Variants in CA6 observed in about 807,000 individuals in gnomAD.
The protein encoded by CA6 is carbonic anhydrase 6.
CA6 carries 28 observed loss-of-function variants against 35.9 expected under a neutral mutation model. That is an observed-to-expected ratio of 0.78 (90% CI 0.58 to 1.07). The LOEUF (loss-of-function observed/expected upper bound fraction) is 1.07, where lower values mean the gene tolerates loss of function less well. CA6 is among the 50% of genes least tolerant of loss of function. The probability of loss-of-function intolerance (pLI) is 0.00; values close to 1 mark genes in which losing one functional copy is unlikely to be tolerated. For missense variants in CA6, 377 were observed against 382.0 expected, an observed-to-expected ratio of 0.99 and a Z score of 0.11; for synonymous variants, 148 against 152.6, an observed-to-expected ratio of 0.97 and a Z score of 0.22.
intron 5 of CA6, 44 bp from the exon 6 acceptor site, chr1:8,967,615 G>A: frequency 1.9e-6 from 3 of 1,587,922 alleles, no homozygotes; most frequent in Non-Finnish European, 2.6e-6. Flanking sequence ...CCGAGGGGCA[G>A]CGCTGGTCCC....
At chr1:8,959,089 TTTA>T (rs1482692707) in intron 4 of CA6, 87 bp downstream of exon 4, 27 of 771,642 alleles carry the variant, frequency 3.5e-5, no homozygotes, top group Non-Finnish European at 5.5e-5. Flanking sequence ...AACAGTCTTC[TTTA>T]TTATCACTCT....
At chr1:8,952,545 A>G (rs1639567421) in intron 2 of CA6, 1 of 152,180 alleles carries the variant, frequency 6.6e-6, no homozygotes, top group Non-Finnish European at 1.5e-5. Context: ...AATTCTACTG[A>G]AGGGGGAAAA....
chr1:8,949,556 G>T, intron 2 of CA6, 114 bp downstream of exon 2: 1 of 895,834 alleles, frequency 1.1e-6, no homozygotes, highest in South Asian at 1.6e-5. Flanking sequence ...CACGGCCTCA[G>T]AGCTGGAGGC....
chr1:8,955,567 C>T (rs575211774), intron 2 of CA6, among the ~76,000 whole-genome samples: 5 of 152,276 alleles, frequency 3.3e-5, no homozygotes, highest in East Asian at 3.9e-4. Flanking sequence ...GAGCTCTGCT[C>T]GGGTCCTCAG....
At chr1:8,946,659 G>A (rs77376795) in intron 1 of CA6, among the ~76,000 whole-genome samples, 2,722 of 151,974 alleles carry the variant, frequency 0.018, 92 homozygotes, top group African/African-American at 0.061. Flanking sequence ...AAAGACTCTC[G>A]GTAACCTCAC....
intron 7 of CA6, 24 bp from the exon 8 acceptor site, chr1:8,974,598 T>G: frequency 6.4e-7 from 1 of 1,551,962 alleles, no homozygotes; most frequent in Middle Eastern, 1.7e-4. Flanking sequence ...TTTAACCATT[T>G]CCGACTAACT....
At position 8,949,282 on chromosome 1, in the gene CA6, G is replaced by T; in HGVS notation, c.99G>T (p.Ala33=). 1 of 1,606,350 alleles carries T rather than the reference G, an allele frequency of 6.2e-7. No homozygotes were observed. The highest frequency in any genetic ancestry group is 1.1e-5 in the South Asian group (1 of 90,112). Residue 33 remains alanine (A), a synonymous_variant, in exon 2 of 8, where the codon GCG becomes GCT. Coordinates refer to ENST00000377443, the MANE Select transcript of CA6 (RefSeq NM_001215.4). ...TCTTAGAAGGGGCACTGGACGAAGC[G>T]CACTGGCCACAGCACTACCCCGCCT... ...WTYSEGALDE[A]HWPQHYPACG... is the part of the protein sequence containing the mutation.
At chr1:8,966,988 A>AAAT (rs1346885413) in intron 5 of CA6, among the ~76,000 whole-genome samples, 1 of 151,428 alleles carries the variant, frequency 6.6e-6, no homozygotes, top group African/African-American at 2.4e-5. Context: ...AAAAATAATA[A>AAAT]AAAAAACAAC....
intron 1 of CA6, among the ~76,000 whole-genome samples, chr1:8,948,891 A>G (rs1639441196): frequency 6.6e-6 from 1 of 151,760 alleles, no homozygotes; most frequent in Non-Finnish European, 1.5e-5. Flanking sequence ...AATCTCTTGA[A>G]TCTGGGAGGC....
rs77420168 is a variant in CA6, at chr1:8,974,462, A to G, written c.845-160A>G. ...AAGCCTGAGTTCAAACACAGTGAAG[A>G]TGACTAAAGGCAATGCACCGGGCAC... On this transcript the variant is annotated intron_variant, in intron 7 of 7. Transcript: ENST00000377443. 1,231 of 1,514,806 alleles carry G rather than the reference A, an allele frequency of 8.1e-4. 10 individuals carry two copies. The African/African-American group carries it at 0.016, about 20-fold the overall frequency. The allele number at this position is 1,514,806 out of a possible 1,614,324, so 93.8% of individuals were successfully genotyped here.
intron 2 of CA6, among the ~76,000 whole-genome samples, chr1:8,954,718 G>T (rs1242461757): frequency 6.6e-6 from 1 of 151,822 alleles, no homozygotes; most frequent in East Asian, 1.9e-4. Flanking sequence ...TCCTTATATA[G>T]ATTTTGTCCA....
chr1:8,957,180 C>T lies in CA6; in HGVS notation c.303C>T (p.Asp101=), dbSNP rs199675048. Residue 101 remains aspartate (D), a synonymous_variant, in exon 3 of 8, where the codon GAC becomes GAT. Transcript: ENST00000377443. ...CCACCATGCGCATGACAGTGGCTGACGGCACTGTATACATAGCCCAGCAGA... is the reference window on the plus strand; with the variant it reads ...CCACCATGCGCATGACAGTGGCTGATGGCACTGTATACATAGCCCAGCAGA... ...LPSTMRMTVA[D]GTVYIAQQMH... 160 of 1,613,394 alleles carry T rather than the reference C, an allele frequency of 9.9e-5. No individual in the cohort carries two copies. Among genetic ancestry groups the T allele is most frequent in the Admixed American group, 9.0e-4 (54 of 59,948 alleles).
intron 4 of CA6, among the ~76,000 whole-genome samples, chr1:8,959,422 C>G (rs1258999632): frequency 6.6e-6 from 1 of 151,240 alleles, no homozygotes; most frequent in Non-Finnish European, 1.5e-5. Flanking sequence ...TCAAATGATT[C>G]TCCTGCCTCA....
At chr1:8,961,886 A>T (rs557821328) in intron 4 of CA6, among the ~76,000 whole-genome samples, 1 of 152,292 alleles carries the variant, frequency 6.6e-6, no homozygotes, top group South Asian at 2.1e-4. Flanking sequence ...TGAAGAAGGG[A>T]ACTTGTGAGA....
chr1:8,974,755 C>A lies in CA6; in HGVS notation c.*51C>A. On this transcript the variant is annotated 3_prime_UTR_variant, in exon 8 of 8. Coordinates refer to ENST00000377443, the MANE Select transcript of CA6 (RefSeq NM_001215.4). The stretch of plus-strand genomic sequence containing the variant: ...TTAACTAGCTTGAAGCCTGACCTAG[C>A]CAGAAGTGCCTGTCCGCTGCAGCCG... 1.0e-6 allele frequency: 1 copy of A among 999,134 alleles called. No homozygotes were observed. The highest frequency in any genetic ancestry group is 1.4e-6 in the Non-Finnish European group (1 of 719,182). The allele number at this position is 999,134 out of a possible 1,614,324, so 61.9% of individuals were successfully genotyped here.
intron 7 of CA6, among the ~76,000 whole-genome samples, chr1:8,971,809 G>A (rs542162623): frequency 2.6e-5 from 4 of 152,120 alleles, no homozygotes; most frequent in East Asian, 2.0e-4. Context: ...GCCAGCCTCC[G>A]CTGCATCCTC....
rs374186026 is a variant in CA6 at position 8,951,702 on chromosome 1, AGG to A, written c.259+2262_259+2263del. 4.2e-5 allele frequency: 32 copies of A among 761,970 alleles called. 1 individual carries two copies. In the African/African-American group the frequency reaches 4.6e-4, roughly 11 times the overall value. The allele number at this position is 761,970 out of a possible 1,614,324, so 47.2% of individuals were successfully genotyped here. A position where few individuals can be genotyped will look rare whatever the true frequency, so the allele number is the denominator to read the frequency against. ...AGAGGACCCTGTACCTTCTTCCTTT[AGG>A]GCTCTGCTCAAATTTCTGTGGTCCG... On this transcript the variant is annotated intron_variant, in intron 2 of 7. Transcript: ENST00000377443.
chr1:8,959,804 C>T (rs894585357), intron 4 of CA6, among the ~76,000 whole-genome samples: 2 of 151,634 alleles, frequency 1.3e-5, no homozygotes, highest in African/African-American at 2.4e-5. Context: ...TGGTGGCAGG[C>T]GCCTGTAATT....
At chr1:8,946,077 G>T (rs1557616584) in intron 1 of CA6, 112 bp downstream of exon 1, 2 of 703,098 alleles carry the variant, frequency 2.8e-6, no homozygotes, top group Non-Finnish European at 4.8e-6. Context: ...TTGCTCTGTT[G>T]CCCAGGCTTG....
Sources: allele counts gnomAD v4.1 joint callset (sites outside exome capture counted in the v4.1 genomes callset), GRCh38; gene constraint gnomAD v4.1.1; transcripts MANE v1.5; gene names NCBI Gene and HGNC (gene_info 2026-07-23, HGNC 2026-07-21).